SLCO2A1: variants seen among roughly 807,000 people sequenced by gnomAD.
The protein encoded by SLCO2A1 is matrin F/G 1.
Under a neutral mutation model 71.7 loss-of-function variants are expected in SLCO2A1, and 60 were observed. The ratio of observed to expected loss-of-function variants is 0.84; its 90% confidence interval spans 0.68 to 1.04. SLCO2A1 has a LOEUF of 1.04. Ranked by LOEUF, SLCO2A1 falls within the 50% of genes least tolerant of loss-of-function variation. The pLI, the probability that SLCO2A1 is intolerant of heterozygous loss-of-function variation, is 0.00. For missense variants in SLCO2A1, 745 were observed against 813.4 expected (o/e 0.92, Z 1.02); for synonymous variants, 308 against 326.7 (o/e 0.94, Z 0.62).
chr3:133,951,511 T>C lies in SLCO2A1; in HGVS notation c.725-167A>G, dbSNP rs560232926. On this transcript the variant is annotated intron_variant, in intron 5 of 13. Coordinates refer to ENST00000310926, the MANE Select transcript of SLCO2A1 (RefSeq NM_005630.3). ...AAAACAACATTCCCTCTCCCAGCTA[T>C]TGGTCTTCCCAGAGGACCAAGGCCA... 2.0e-5 allele frequency among the ~76,000 whole-genome samples: 3 copies of C among 152,330 alleles called. No individual in the cohort carries two copies. In the South Asian group the frequency reaches 6.2e-4, roughly 32 times the overall value.
chr3:133,970,469 T>C (rs1934297584), intron 3 of SLCO2A1, among the ~76,000 whole-genome samples: 1 of 152,210 alleles, frequency 6.6e-6, no homozygotes, highest in African/African-American at 2.4e-5. Flanking sequence ...AACTAAAATT[T>C]CCATAAGAAT....
In SLCO2A1 at chr3:133,958,775, T is replaced by G. The variant is rs139029548; in HGVS notation, c.398-3582A>C. 2.4e-3 allele frequency among the ~76,000 whole-genome samples: 364 copies of G among 152,296 alleles called. 2 individuals carry two copies. Among genetic ancestry groups the G allele is most frequent in the African/African-American group, 8.1e-3 (338 of 41,564 alleles). ...AAAGGGCTGCTGCTACATTTCCAAG[T>G]GGGTATTTATTTCTGAAGATTCAGA... On this transcript the variant is annotated intron_variant, in intron 3 of 13. Coordinates refer to ENST00000310926, the MANE Select transcript of SLCO2A1 (RefSeq NM_005630.3).
chr3:133,934,801 GC>G lies in SLCO2A1; in HGVS notation c.1843del (p.Ala615ArgfsTer14). ...RYLGLQMGYK[A>X]LGMLLLCFIS... ...GAAGCAAAGCAGCAGCATGCCCAGC[GC>G]CTTGTAGCCCATCTGCAGGCCCAGG... On this transcript the variant is annotated frameshift_variant, in exon 14 of 14. Transcript: ENST00000310926. LOFTEE classifies it high-confidence loss of function. 6.2e-7 allele frequency: 1 copy of G among 1,612,026 alleles called. No homozygotes were observed. Among genetic ancestry groups the G allele is most frequent in the Non-Finnish European group, 8.5e-7 (1 of 1,179,918 alleles).
chr3:133,947,259 G>C lies in SLCO2A1; in HGVS notation c.1292C>G (p.Pro431Arg). 3.1e-6 allele frequency: 5 copies of C among 1,613,158 alleles called. No individual in the cohort carries two copies. The highest frequency in any genetic ancestry group is 4.2e-6 in the Non-Finnish European group (5 of 1,179,204). The change falls in exon 9 of 14, where the codon CCT becomes CGT. Residue 431 changes from proline (P) to arginine (R), a missense_variant. Physicochemically the swap from Pro to Arg is moderately radical, Grantham distance 103 (BLOSUM62 -2). Transcript: ENST00000310926. ...CTCTACCCCTTATTCCCATTACCTA[G>C]GGGGGTAGACTTCGGCCACAGTTGG... ...STPTVAEVYP[P>R]STSSSIHPQS... is the part of the protein sequence containing the mutation.
intron 1 of SLCO2A1, among the ~76,000 whole-genome samples, chr3:134,029,130 A>G (rs1443233326): frequency 2.0e-5 from 3 of 152,094 alleles, no homozygotes; most frequent in Non-Finnish European, 4.4e-5. Flanking sequence ...AATTCTAAAC[A>G]TAACTGCGAG....
rs370197119 is a variant in SLCO2A1 at position 133,951,333 on chromosome 3, A to G, written c.736T>C (p.Leu246=). The change falls in exon 6 of 14, where the codon TTG becomes CTG. Residue 246 remains leucine, a synonymous_variant. Coordinates refer to ENST00000310926, the MANE Select transcript of SLCO2A1 (RefSeq NM_005630.3). Reference sequence around the variant, plus strand: ...ATCCATCGGGGGTCACCCGGGACCAAGTTAACTGCAGCTGAAGAGAAAACG... The same window carrying G: ...ATCCATCGGGGGTCACCCGGGACCAGGTTAACTGCAGCTGAAGAGAAAACG... ...YGRVNTAAVN[L]VPGDPRWIGA... The G allele has an allele frequency of 8.7e-5, 140 of 1,613,984 alleles. No homozygotes were observed. Among genetic ancestry groups the G allele is most frequent in the Non-Finnish European group, 1.2e-4 (136 of 1,180,004 alleles).
At chr3:133,997,129 A>C (rs1250868535) in intron 1 of SLCO2A1, among the ~76,000 whole-genome samples, 7 of 152,104 alleles carry the variant, frequency 4.6e-5, no homozygotes, top group African/African-American at 7.2e-5. Context: ...GTCCATCCTC[A>C]ACACACCCTG....
At chr3:133,967,826 TACCCCCCACACA>T (rs1934219382) in intron 3 of SLCO2A1, among the ~76,000 whole-genome samples, 1 of 21,550 alleles carries the variant, frequency 4.6e-5, no homozygotes, top group African/African-American at 1.9e-4. Flanking sequence ...CCCACCTCCA[TACCCCCCACACA>T]TGAACACACG....
intron 1 of SLCO2A1, among the ~76,000 whole-genome samples, chr3:134,027,788 GTGACTTTAACTGA>G (rs1935728346): frequency 6.6e-6 from 1 of 152,212 alleles, no homozygotes; most frequent in Admixed American, 6.5e-5. Context: ...AAAGGTGCAA[GTGACTTTAACTGA>G]TGGAATTTGA....
chr3:133,967,370 C>T (rs777485782), intron 3 of SLCO2A1, among the ~76,000 whole-genome samples: 2 of 152,206 alleles, frequency 1.3e-5, no homozygotes, highest in Non-Finnish European at 2.9e-5. Flanking sequence ...CAGGCTCAGG[C>T]CCTCAGAGAG....
At chr3:133,978,572 A>G (rs1415600225) in intron 2 of SLCO2A1, among the ~76,000 whole-genome samples, 2 of 152,114 alleles carry the variant, frequency 1.3e-5, no homozygotes, top group African/African-American at 4.8e-5. Flanking sequence ...AAGCTGCCAC[A>G]GGACAGGGGC....
chr3:133,999,980 A>T (rs1460116432), intron 1 of SLCO2A1, among the ~76,000 whole-genome samples: 4 of 152,238 alleles, frequency 2.6e-5, no homozygotes, highest in Non-Finnish European at 5.9e-5. Context: ...GCCACGCAAG[A>T]TCTTGGGACA....
intron 1 of SLCO2A1, among the ~76,000 whole-genome samples, chr3:134,005,956 CTTTTGTCT>C (rs1214018564): frequency 6.6e-6 from 1 of 151,892 alleles, no homozygotes; most frequent in African/African-American, 2.4e-5. Flanking sequence ...TCTTTACTCT[CTTTTGTCT>C]TAGAAGGTAT....
chr3:134,020,645 GC>G (rs1935553949), intron 1 of SLCO2A1, among the ~76,000 whole-genome samples: 1 of 152,262 alleles, frequency 6.6e-6, no homozygotes, highest in South Asian at 2.1e-4. Context: ...TGGAAGCGTG[GC>G]CTGATCACCC....
chr3:134,003,149 G>A (rs1377965932), intron 1 of SLCO2A1, among the ~76,000 whole-genome samples: 1 of 152,166 alleles, frequency 6.6e-6, no homozygotes, highest in African/African-American at 2.4e-5. Flanking sequence ...GTTTTGTCTG[G>A]GACTTCTACC....
intron 1 of SLCO2A1, among the ~76,000 whole-genome samples, chr3:134,028,139 A>T (rs1460930140): frequency 1.3e-5 from 2 of 152,164 alleles, no homozygotes; most frequent in Non-Finnish European, 2.9e-5. Flanking sequence ...GTCTAAACGG[A>T]TCAGTCTCAT....
chr3:133,976,948 C>A (rs1576443102), intron 2 of SLCO2A1, among the ~76,000 whole-genome samples: 1 of 152,172 alleles, frequency 6.6e-6, no homozygotes, highest in Admixed American at 6.5e-5. Flanking sequence ...GGCTTCACCT[C>A]ACCTACTGGG....
intron 1 of SLCO2A1, 124 bp downstream of exon 1, chr3:134,029,583 G>T: frequency 1.5e-6 from 1 of 668,422 alleles, no homozygotes. Flanking sequence ...TGAGATCGGA[G>T]CGCGGCACAG....
chr3:134,020,521 G>A (rs1235260591), intron 1 of SLCO2A1, among the ~76,000 whole-genome samples: 3 of 152,236 alleles, frequency 2.0e-5, no homozygotes, highest in African/African-American at 7.2e-5. Flanking sequence ...GGCAGTGTGT[G>A]GCAGGCCCCC....
Sources: gnomAD v4.1 joint callset for allele counts (sites outside exome capture counted in the v4.1 genomes callset) on GRCh38, gnomAD v4.1.1 for gene constraint, MANE v1.5 for transcripts, NCBI Gene and HGNC (gene_info 2026-07-23, HGNC 2026-07-21) for gene names.